CLMP: variants seen among roughly 807,000 people sequenced by gnomAD.
The protein encoded by CLMP is CXADR like cell adhesion molecule, also known as CXADR-like membrane protein.
In CLMP, 27 loss-of-function variants were observed where a neutral mutation model predicts 45.2. The observed-to-expected ratio is 0.60, with a 90% CI of 0.44 to 0.82. The LOEUF is 0.82. CLMP is among the 40% of genes least tolerant of loss of function. CLMP has a pLI of 0.00. For missense variants in CLMP, 403 were observed against 448.4 expected (o/e 0.90, Z 0.91); for synonymous variants, 167 against 171.4 (o/e 0.97, Z 0.20).
intron 1 of CLMP, among the ~76,000 whole-genome samples, chr11:123,151,841 T>G (rs957626258): frequency 2.6e-5 from 4 of 152,190 alleles, no homozygotes; most frequent in Non-Finnish European, 5.9e-5. Flanking sequence ...AACATCAAGT[T>G]GTTGGTAGGG....
At chr11:123,107,553 T>TTTTTTTTTTTTTTTTTC (rs1860578972) in intron 1 of CLMP, among the ~76,000 whole-genome samples, 1 of 149,894 alleles carries the variant, frequency 6.7e-6, no homozygotes, top group African/African-American at 2.4e-5. Context: ...TTTTTTTTTT[T>TTTTTTTTTTTTTTTTTC]CAGAAACAGG....
intron 1 of CLMP, among the ~76,000 whole-genome samples, chr11:123,131,585 A>C (rs1563965): frequency 0.14 from 21,434 of 151,818 alleles, 1,913 homozygotes; most frequent in East Asian, 0.25. Context: ...CCTGATTCTG[A>C]CCTTAATCTA....
chr11:123,108,987 A>G (rs1285110085), intron 1 of CLMP, among the ~76,000 whole-genome samples: 2 of 145,372 alleles, frequency 1.4e-5, no homozygotes, highest in African/African-American at 5.1e-5. Context: ...TAAACCCAGG[A>G]GGCGGAGGTT....
At chr11:123,120,893 G>A (rs762184874) in intron 1 of CLMP, among the ~76,000 whole-genome samples, 3 of 152,040 alleles carry the variant, frequency 2.0e-5, no homozygotes, top group East Asian at 1.9e-4. Flanking sequence ...TTGGGAGGCC[G>A]AGGTGGGAGG....
At chr11:123,180,299 A>C (rs1231009491) in intron 1 of CLMP, among the ~76,000 whole-genome samples, 3 of 152,232 alleles carry the variant, frequency 2.0e-5, no homozygotes, top group Admixed American at 1.3e-4. Flanking sequence ...CACAAAGCTC[A>C]TATGTTGAAA....
chr11:123,088,857 C>T (rs749370076), intron 2 of CLMP, among the ~76,000 whole-genome samples: 30 of 152,290 alleles, frequency 2.0e-4, no homozygotes, highest in Admixed American at 3.9e-4. Flanking sequence ...CTCCTGACCT[C>T]AGGTGATCCA....
intron 1 of CLMP, among the ~76,000 whole-genome samples, chr11:123,118,437 G>A (rs983846486): frequency 4.6e-5 from 7 of 152,156 alleles, no homozygotes; most frequent in African/African-American, 1.7e-4. Context: ...GCCCAGCCAA[G>A]ACTGCAATAA....
chr11:123,138,056 G>C (rs1010561833), intron 1 of CLMP, among the ~76,000 whole-genome samples: 3 of 151,688 alleles, frequency 2.0e-5, no homozygotes, highest in Admixed American at 1.3e-4. Context: ...GCCTCCTGGC[G>C]ACTCGCTAAG....
chr11:123,081,897 A>G (rs11218961), intron 5 of CLMP, among the ~76,000 whole-genome samples: 41,698 of 151,726 alleles, frequency 0.27, 7,189 homozygotes, highest in Non-Finnish European at 0.39. Flanking sequence ...GAAAAACTCT[A>G]TGAGACAGTT....
intron 1 of CLMP, among the ~76,000 whole-genome samples, chr11:123,116,685 G>A (rs1860725011): frequency 6.6e-6 from 1 of 152,160 alleles, no homozygotes; most frequent in Admixed American, 6.5e-5. Flanking sequence ...CAATTCACTA[G>A]ATTTTTGGCA....
chr11:123,180,507 C>T (rs1279703714), intron 1 of CLMP, among the ~76,000 whole-genome samples: 1 of 151,402 alleles, frequency 6.6e-6, no homozygotes, highest in Non-Finnish European at 1.5e-5. Context: ...ACCTCCAGAA[C>T]TGTGAGGAAT....
At chr11:123,096,531 AAAAAT>A (rs1239165802) in intron 2 of CLMP, among the ~76,000 whole-genome samples, 1 of 152,170 alleles carries the variant, frequency 6.6e-6, no homozygotes, top group Non-Finnish European at 1.5e-5. Flanking sequence ...CCCAAAATAA[AAAAAT>A]AAATAAATCA....
intron 1 of CLMP, among the ~76,000 whole-genome samples, chr11:123,108,413 C>G (rs550626508): frequency 6.6e-6 from 1 of 152,306 alleles, no homozygotes; most frequent in Admixed American, 6.5e-5. Context: ...GTTATCTCCT[C>G]CCACCCCTCC....
chr11:123,099,676 C>T (rs768236242), intron 1 of CLMP, among the ~76,000 whole-genome samples: 4 of 151,762 alleles, frequency 2.6e-5, no homozygotes, highest in African/African-American at 7.3e-5. Flanking sequence ...ATCAAAAGCA[C>T]AGGATGGGAG....
rs75961927 is a variant in CLMP, at chr11:123,080,799, T to C, written c.679+2286A>G. Among the ~76,000 whole-genome samples the C allele has an allele frequency of 9.6e-3, 1,464 of 152,236 alleles. 14 individuals are homozygous for C. Among genetic ancestry groups the C allele is most frequent in the Middle Eastern group, 0.024 (7 of 294 alleles). On this transcript the variant is annotated intron_variant, in intron 5 of 6. Coordinates refer to ENST00000448775, the MANE Select transcript of CLMP (RefSeq NM_024769.5). ...AGGCACAGAATGTTGAAGTATAACT[T>C]TGAAAAAAGTAAAATACTGATTCCG...
chr11:123,172,686 G>A (rs893632485), intron 1 of CLMP, among the ~76,000 whole-genome samples: 18 of 151,810 alleles, frequency 1.2e-4, no homozygotes, highest in African/African-American at 3.6e-4. Flanking sequence ...GGTTTTAGCC[G>A]TGTTGCCCAG....
At chr11:123,084,072 T>G (rs1237034801) in intron 3 of CLMP, among the ~76,000 whole-genome samples, 3 of 152,232 alleles carry the variant, frequency 2.0e-5, no homozygotes, top group East Asian at 3.8e-4. Flanking sequence ...TTTTAATTTT[T>G]GGGGCAGAGG....
chr11:123,176,234 G>C (rs1334762800), intron 1 of CLMP, among the ~76,000 whole-genome samples: 1 of 151,996 alleles, frequency 6.6e-6, no homozygotes, highest in African/African-American at 2.4e-5. Context: ...TTGTATTTTG[G>C]TTTAAAACTA....
In CLMP at chr11:123,085,446, G is replaced by A. The variant is rs1351178676; in HGVS notation, c.187-733C>T. 3.3e-5 allele frequency among the ~76,000 whole-genome samples: 5 copies of A among 151,712 alleles called. No individual in the cohort carries two copies. In the East Asian group the frequency reaches 7.8e-4, roughly 24 times the overall value. On this transcript the variant is annotated intron_variant, in intron 2 of 6. Coordinates refer to ENST00000448775, the MANE Select transcript of CLMP (RefSeq NM_024769.5). Reference sequence around the variant, plus strand: ...GTATTATTGGTAGAGACAGGGTTTCGCCATGTTGGCCAGGCTGGTCTTGAA... The same window carrying A: ...GTATTATTGGTAGAGACAGGGTTTCACCATGTTGGCCAGGCTGGTCTTGAA...
Sources: gnomAD v4.1 joint callset for allele counts (sites outside exome capture counted in the v4.1 genomes callset) on GRCh38, gnomAD v4.1.1 for gene constraint, MANE v1.5 for transcripts, NCBI Gene and HGNC (gene_info 2026-07-23, HGNC 2026-07-21) for gene names.